Variants in SYT16 observed in about 807,000 individuals in gnomAD.
The protein encoded by SYT16 is synaptotagmin-16.
In SYT16, 42 loss-of-function variants were observed where a neutral mutation model predicts 61.4. The ratio of observed to expected loss-of-function variants is 0.68; its 90% confidence interval spans 0.53 to 0.89. The LOEUF (loss-of-function observed/expected upper bound fraction) is 0.89. SYT16 is among the 40% of genes least tolerant of loss of function. SYT16 has a pLI of 0.00. For missense variants in SYT16, 804 were observed against 807.3 expected (o/e 1.00, Z 0.05); for synonymous variants, 314 against 302.3 (o/e 1.04, Z -0.40).
chr14:61,881,302 C>T (rs1303670502), intron 1 of SYT16, among the ~76,000 whole-genome samples: 1 of 152,200 alleles, frequency 6.6e-6, no homozygotes, highest in Admixed American at 6.5e-5. Context: ...CATTTGGCTG[C>T]TCCCCTTCTC....
At chr14:61,966,189 A>G (rs2051309601) in intron 1 of SYT16, among the ~76,000 whole-genome samples, 1 of 152,172 alleles carries the variant, frequency 6.6e-6, no homozygotes, top group Non-Finnish European at 1.5e-5. Context: ...TTTGAGTAAC[A>G]TAAGGGCCAT....
intron 7 of SYT16, among the ~76,000 whole-genome samples, chr14:62,098,912 G>A (rs186629254): frequency 9.2e-5 from 14 of 152,278 alleles, no homozygotes; most frequent in African/African-American, 3.1e-4. Context: ...TATCCAGATT[G>A]AACTTAATGA....
chr14:61,837,993 AT>A (rs2046186559), intron 1 of SYT16, among the ~76,000 whole-genome samples: 1 of 152,212 alleles, frequency 6.6e-6, no homozygotes, highest in South Asian at 2.1e-4. Context: ...TATGCAAGAA[AT>A]TTCGTTGCCC....
chr14:61,848,803 T>A (rs2140267016), intron 1 of SYT16, among the ~76,000 whole-genome samples: 1 of 152,276 alleles, frequency 6.6e-6, no homozygotes, highest in African/African-American at 2.4e-5. Context: ...GGCTTGACCC[T>A]TTTGTGACAG....
chr14:61,879,737 C>A (rs758240762), intron 1 of SYT16, among the ~76,000 whole-genome samples: 6 of 152,152 alleles, frequency 3.9e-5, no homozygotes, highest in Non-Finnish European at 8.8e-5. Context: ...TTAGATTTCA[C>A]ATTATATCAT....
At chr14:62,037,252 T>C (rs2054547980) in intron 3 of SYT16, among the ~76,000 whole-genome samples, 1 of 152,092 alleles carries the variant, frequency 6.6e-6, no homozygotes. Context: ...GGTCTTGTAG[T>C]TTTTTAGTGT....
intron 3 of SYT16, among the ~76,000 whole-genome samples, chr14:62,060,508 G>A (rs2055778708): frequency 8.8e-6 from 1 of 114,068 alleles, no homozygotes; most frequent in Non-Finnish European, 1.6e-5. Context: ...ATAGGATGGT[G>A]AAATTTTTTT....
chr14:62,029,762 T>C (rs1019622393), intron 3 of SYT16, among the ~76,000 whole-genome samples: 2 of 150,458 alleles, frequency 1.3e-5, no homozygotes, highest in Non-Finnish European at 2.9e-5. Context: ...GACCTCGCTT[T>C]TGATGTTAGT....
chr14:61,924,837 T>C (rs1248245400), intron 1 of SYT16, among the ~76,000 whole-genome samples: 1 of 152,242 alleles, frequency 6.6e-6, no homozygotes, highest in Non-Finnish European at 1.5e-5. Context: ...CCCCAAATTA[T>C]GGTGCCTTTA....
At chr14:62,100,279 CA>C (rs2057387221) in intron 7 of SYT16, 114 bp from the exon 8 acceptor site, 1 of 855,602 alleles carries the variant, frequency 1.2e-6, no homozygotes, top group East Asian at 2.7e-5. Context: ...GGATACTGAT[CA>C]GTATGTTGAA....
chr14:62,051,518 G>T (rs917584936), intron 3 of SYT16, among the ~76,000 whole-genome samples: 9 of 152,192 alleles, frequency 5.9e-5, no homozygotes, highest in African/African-American at 1.9e-4. Flanking sequence ...GATGAACCCA[G>T]TACCTCAGTT....
rs555462598 is a variant in SYT16 at position 61,997,217 on chromosome 14, C to A, written c.523+675C>A. Among the ~76,000 whole-genome samples, 5 of 152,194 alleles carry A rather than the reference C, an allele frequency of 3.3e-5. No individual in the cohort carries two copies. The South Asian group carries it at 1.0e-3, about 32-fold the overall frequency. On this transcript the variant is annotated intron_variant, in intron 3 of 7. Transcript: ENST00000683842. ...CTGAGGTGTGTTCCAGCATGAATTT[C>A]TCATGCCTCTAATACTCTAACCTTG...
At chr14:62,087,995 G>A (rs2056944837) in intron 7 of SYT16, among the ~76,000 whole-genome samples, 1 of 152,198 alleles carries the variant, frequency 6.6e-6, no homozygotes, top group Non-Finnish European at 1.5e-5. Context: ...TGGTGAGGAT[G>A]TGGAGAATAC....
chr14:62,028,743 A>G (rs938288016), intron 3 of SYT16, among the ~76,000 whole-genome samples: 1 of 152,194 alleles, frequency 6.6e-6, no homozygotes, highest in Non-Finnish European at 1.5e-5. Context: ...TTGTACAACT[A>G]GTGCTGAAAT....
At chr14:61,974,509 G>A (rs1295456528) in intron 2 of SYT16, among the ~76,000 whole-genome samples, 1 of 152,144 alleles carries the variant, frequency 6.6e-6, no homozygotes, top group Non-Finnish European at 1.5e-5. Context: ...TCACCAAGAG[G>A]TACTCCTGCT....
chr14:62,024,588 C>T (rs1320948335), intron 3 of SYT16, among the ~76,000 whole-genome samples: 1 of 151,972 alleles, frequency 6.6e-6, no homozygotes, highest in Non-Finnish European at 1.5e-5. Context: ...TCTTCTCCAC[C>T]AGAGTGGTAG....
intron 3 of SYT16, among the ~76,000 whole-genome samples, chr14:61,997,521 T>C (rs1183263712): frequency 6.6e-6 from 1 of 152,106 alleles, no homozygotes; most frequent in Non-Finnish European, 1.5e-5. Context: ...AGTCTTGGCA[T>C]ATAAAGAAAC....
At chr14:61,960,593 C>G (rs924243378) in intron 1 of SYT16, among the ~76,000 whole-genome samples, 1 of 152,082 alleles carries the variant, frequency 6.6e-6, no homozygotes, top group Non-Finnish European at 1.5e-5. Flanking sequence ...GATCAAGGAG[C>G]TTTTGGGCAG....
At chr14:61,977,538 T>C (rs1372657525) in intron 2 of SYT16, among the ~76,000 whole-genome samples, 1 of 152,156 alleles carries the variant, frequency 6.6e-6, no homozygotes, top group African/African-American at 2.4e-5. Flanking sequence ...GATCTCATGA[T>C]ACTCACTCAC....
Sources: gnomAD v4.1 joint callset for allele counts (sites outside exome capture counted in the v4.1 genomes callset) on GRCh38, gnomAD v4.1.1 for gene constraint, MANE v1.5 for transcripts, NCBI Gene and HGNC (gene_info 2026-07-23, HGNC 2026-07-21) for gene names.